Variants in PCDHGB3 observed in about 807,000 individuals in gnomAD.
PCDHGB3 encodes protocadherin gamma-B3.
PCDHGB3 carries 40 observed loss-of-function variants against 59.2 expected under a neutral mutation model. The ratio of observed to expected loss-of-function variants is 0.68; its 90% CI spans 0.52 to 0.88. PCDHGB3 has a LOEUF of 0.88. PCDHGB3 is among the 40% of genes least tolerant of loss of function. PCDHGB3 has a pLI of 0.00. For missense variants in PCDHGB3, 1,309 were observed against 1,187.9 expected (o/e 1.10, Z -1.50); for synonymous variants, 581 against 503.6 (o/e 1.15, Z -2.06).
At chr5:141,395,526 G>T in intron 1 of PCDHGB3, 4 of 357,898 alleles carry the variant, frequency 1.1e-5, no homozygotes, top group Admixed American at 4.6e-5. Context: ...GTCCATACTG[G>T]TAATTTTGCT....
At chr5:141,497,129 T>G (rs528066007) in intron 2 of PCDHGB3, among the ~76,000 whole-genome samples, 1 of 151,692 alleles carries the variant, frequency 6.6e-6, no homozygotes, top group Admixed American at 6.6e-5. Flanking sequence ...GAGGTTGCAG[T>G]GAGCTGAGAT....
rs1024560538 is a variant in PCDHGB3, at chr5:141,371,934, G to A, written c.1540G>A (p.Val514Met). The A allele has an allele frequency of 1.9e-6, 3 of 1,613,324 alleles. No individual in the cohort carries two copies. Among genetic ancestry groups the A allele is most frequent in the Admixed American group, 3.3e-5 (2 of 60,030 alleles). Residue 514 changes from valine to methionine, a missense_variant, in exon 1 of 4, where the codon GTG becomes ATG. Transcript: ENST00000576222. ...GTCCGTGAGCGCGCGGAGCGGGGTGGTGTTCGCGCAGCGAGCCTTCGACCA... is the reference window on the plus strand; with the variant it reads ...GTCCGTGAGCGCGCGGAGCGGGGTGATGTTCGCGCAGCGAGCCTTCGACCA... The part of the protein sequence containing the change: ...YVSVSARSGV[V>M]FAQRAFDHEQ...
chr5:141,388,842 A>C, intron 1 of PCDHGB3: 1 of 1,614,014 alleles, frequency 6.2e-7, no homozygotes, highest in Non-Finnish European at 8.5e-7. Flanking sequence ...TTTGGAAGCA[A>C]GGGACGGTGG....
intron 1 of PCDHGB3, among the ~76,000 whole-genome samples, chr5:141,454,343 A>G (rs1161350416): frequency 2.6e-5 from 4 of 152,248 alleles, no homozygotes; most frequent in African/African-American, 7.2e-5. Flanking sequence ...AAATGTTGGA[A>G]GTTGATCCAA....
intron 1 of PCDHGB3, among the ~76,000 whole-genome samples, chr5:141,434,021 C>A (rs1023145172): frequency 2.0e-5 from 3 of 152,052 alleles, no homozygotes; most frequent in Admixed American, 2.0e-4. Context: ...TTCTATGATT[C>A]TGGAAGCATG....
Position 141,486,173 on chromosome 5 carries a change from T to C in PCDHGB3, c.2416-8634T>C. 1 of 1,614,220 alleles carries C rather than the reference T, an allele frequency of 6.2e-7. No homozygotes were observed. Among genetic ancestry groups the C allele is most frequent in the Non-Finnish European group, 8.5e-7 (1 of 1,180,042 alleles). ...GGGTTCTCCAGCCATGGAGCAACATTGCAGCCTTCGAGTGGATCTGCTGGA... is the reference window on the plus strand; with the variant it reads ...GGGTTCTCCAGCCATGGAGCAACATCGCAGCCTTCGAGTGGATCTGCTGGA... On this transcript the variant is annotated intron_variant, in intron 1 of 3. Transcript: ENST00000576222. The surrounding 1 kb of genome is among the most constrained non-coding windows in gnomAD (Gnocchi z 5.0).
At chr5:141,482,561 T>C (rs1411268228) in intron 1 of PCDHGB3, among the ~76,000 whole-genome samples, 3 of 136,978 alleles carry the variant, frequency 2.2e-5, no homozygotes, top group African/African-American at 8.6e-5. Flanking sequence ...ATAATGGAGA[T>C]CTGCATAGCA....
intron 1 of PCDHGB3, chr5:141,415,644 A>G: frequency 6.2e-7 from 1 of 1,600,070 alleles, no homozygotes; most frequent in Non-Finnish European, 8.5e-7. Flanking sequence ...CTTTTGTTAA[A>G]AAAAAAAAGA....
chr5:141,387,634 G>A, intron 1 of PCDHGB3: 3 of 589,412 alleles, frequency 5.1e-6, no homozygotes, highest in South Asian at 2.4e-5. Flanking sequence ...TCTGGGCGCC[G>A]CTGTTGGCCA....
chr5:141,507,075 C>T (rs1006779614), intron 3 of PCDHGB3: 25 of 152,176 alleles, frequency 1.6e-4, no homozygotes, highest in Admixed American at 1.1e-3. Context: ...CCTGGCTCAA[C>T]TCCTAAGTTT....
At chr5:141,413,058 C>G (rs2095601249) in intron 1 of PCDHGB3, 1 of 1,073,304 alleles carries the variant, frequency 9.3e-7, no homozygotes, top group Non-Finnish European at 1.3e-6. Context: ...AAGCTCACTC[C>G]AGAATTTAAA....
At chr5:141,403,120 C>G (rs2094357495) in intron 1 of PCDHGB3, 3 of 1,614,050 alleles carry the variant, frequency 1.9e-6, no homozygotes, top group South Asian at 2.2e-5. Context: ...CTCTGGAGCC[C>G]CGGGAGCTGG....
chr5:141,485,714 G>C lies in PCDHGB3; in HGVS notation c.2416-9093G>C, dbSNP rs896709540. 6.2e-7 allele frequency: 1 copy of C among 1,614,064 alleles called. No homozygotes were observed. Among genetic ancestry groups the C allele is most frequent in the Non-Finnish European group, 8.5e-7 (1 of 1,180,050 alleles). On this transcript the variant is annotated intron_variant, in intron 1 of 3. Coordinates refer to ENST00000576222, the MANE Select transcript of PCDHGB3 (RefSeq NM_018924.5). The surrounding 1 kb of genome is among the most constrained non-coding windows in gnomAD (Gnocchi z 5.7). The stretch of plus-strand genomic sequence containing the variant: ...GAGCTCCAATGAACACTTTGCACTG[G>C]ATGTGAAGAAGCGCAGCGACGGCAG...
chr5:141,413,400 G>A (rs1328176117), intron 1 of PCDHGB3: 4 of 1,614,060 alleles, frequency 2.5e-6, no homozygotes, highest in Non-Finnish European at 2.5e-6. Context: ...CCAGAGGTAG[G>A]ACGCAGCTTT....
At chr5:141,501,288 T>TATACAC (rs201660636) in intron 2 of PCDHGB3, among the ~76,000 whole-genome samples, 3,536 of 81,176 alleles carry the variant, frequency 0.044, 56 homozygotes, top group Admixed American at 0.065. Flanking sequence ...GATATTCCCT[T>TATACAC]ATACACACAC....
intron 1 of PCDHGB3, chr5:141,408,935 G>C (rs773802276): frequency 6.2e-7 from 1 of 1,613,472 alleles, no homozygotes; most frequent in Non-Finnish European, 8.5e-7. Context: ...TTTCAGCAGA[G>C]ACGAATATAG....
chr5:141,494,661 G>A, intron 1 of PCDHGB3, 146 bp from the exon 2 acceptor site: 2 of 1,492,976 alleles, frequency 1.3e-6, no homozygotes, highest in Non-Finnish European at 1.8e-6. Context: ...TTTGTCTTTG[G>A]AGATGAGTCC....
intron 1 of PCDHGB3, chr5:141,421,399 C>T (rs777999539): frequency 1.2e-6 from 2 of 1,613,928 alleles, no homozygotes; most frequent in East Asian, 2.2e-5. Flanking sequence ...GCTGGAGCCC[C>T]GGGAGCTGGC....
intron 1 of PCDHGB3, among the ~76,000 whole-genome samples, chr5:141,474,862 T>C (rs1281140736): frequency 6.6e-6 from 1 of 152,264 alleles, no homozygotes; most frequent in Non-Finnish European, 1.5e-5. Context: ...CTTCATTTAA[T>C]AGGATAGGAG....
Sources: gnomAD v4.1 joint callset for allele counts (sites outside exome capture counted in the v4.1 genomes callset) on GRCh38, gnomAD v4.1.1 for gene constraint, Gnocchi (gnomAD v3.1) non-coding constraint, MANE v1.5 for transcripts, NCBI Gene and HGNC (gene_info 2026-07-23, HGNC 2026-07-21) for gene names.